YES1: variants seen among roughly 807,000 people sequenced by gnomAD.
The protein encoded by YES1 is tyrosine-protein kinase Yes.
YES1 carries 39 observed loss-of-function variants against 70.4 expected under a neutral mutation model. That is an observed-to-expected ratio of 0.55 (90% CI 0.43 to 0.72). YES1 has a LOEUF of 0.72. Among genes scored for constraint, YES1 ranks in the 30% least tolerant of loss-of-function variants. YES1 has a pLI of 0.00. For missense variants in YES1, 495 were observed against 644.8 expected (o/e 0.77, Z 2.52); for synonymous variants, 198 against 218.6 (o/e 0.91, Z 0.83).
upstream of YES1, chr18:812,355 C>T (rs1293190255): frequency 5.3e-5 from 8 of 150,188 alleles, no homozygotes; most frequent in African/African-American, 1.9e-4. Context: ...CGCCCCCTGA[C>T]TTCTAGCGGG....
At chr18:747,143 G>C (rs2080290030) in intron 4 of YES1, among the ~76,000 whole-genome samples, 1 of 152,112 alleles carries the variant, frequency 6.6e-6, no homozygotes, top group Non-Finnish European at 1.5e-5. Context: ...ATAAATCTCT[G>C]AAATATTTCA....
intron 1 of YES1, among the ~76,000 whole-genome samples, chr18:779,740 G>A (rs1174727960): frequency 1.3e-5 from 2 of 152,058 alleles, no homozygotes; most frequent in Non-Finnish European, 2.9e-5. Flanking sequence ...CTTACTTCCA[G>A]TCTTTTGTCA....
chr18:746,578 A>G (rs3911638), intron 4 of YES1, among the ~76,000 whole-genome samples: 17,911 of 152,256 alleles, frequency 0.12, 1,192 homozygotes, highest in East Asian at 0.28. Context: ...GGACAAAACA[A>G]AAAGTAAGAA....
intron 1 of YES1, among the ~76,000 whole-genome samples, chr18:757,129 C>T (rs924588061): frequency 2.0e-5 from 3 of 152,196 alleles, no homozygotes; most frequent in Non-Finnish European, 4.4e-5. Context: ...GCCAGAGAGG[C>T]CTAAATTTGA....
intron 1 of YES1, among the ~76,000 whole-genome samples, chr18:771,382 T>A (rs1242628194): frequency 2.0e-5 from 3 of 151,316 alleles, no homozygotes; most frequent in Non-Finnish European, 4.4e-5. Flanking sequence ...AAAAAAAAAA[T>A]TCATTTGAGT....
chr18:757,285 C>CCT (rs1190032607), intron 1 of YES1, among the ~76,000 whole-genome samples: 8 of 151,732 alleles, frequency 5.3e-5, no homozygotes, highest in Admixed American at 1.3e-4. Context: ...GGGCGGATCA[C>CCT]GAGGTCAGGA....
Position 745,699 on chromosome 18 carries a change from T to C in YES1, c.724+9A>G, listed in dbSNP as rs1404580313. 2.5e-6 allele frequency: 4 copies of C among 1,586,436 alleles called. No homozygotes were observed. The highest frequency in any genetic ancestry group is 2.3e-5 in the South Asian group (2 of 85,762). ...AGAAATAATTTTTACCTTTGAAATA[T>C]TCACATACCTGTGTAGTGTTTCACC... On this transcript the variant is annotated intron_variant, in intron 6 of 11. Coordinates refer to ENST00000314574, the MANE Select transcript of YES1 (RefSeq NM_005433.4).
chr18:799,993 T>C (rs1311124482), intron 1 of YES1, among the ~76,000 whole-genome samples: 4 of 152,150 alleles, frequency 2.6e-5, no homozygotes, highest in African/African-American at 9.7e-5. Context: ...TGTAAGTGGG[T>C]GAATATGCTT....
At chr18:737,307 G>A (rs2080165299) in intron 9 of YES1, 1 of 166,034 alleles carries the variant, frequency 6.0e-6, no homozygotes, top group African/African-American at 2.4e-5. Context: ...ACAAACATTA[G>A]CTGGGTGTGG....
chr18:747,510 G>C (rs938092745), intron 4 of YES1, among the ~76,000 whole-genome samples: 1 of 152,060 alleles, frequency 6.6e-6, no homozygotes, highest in Non-Finnish European at 1.5e-5. Flanking sequence ...ATAAATATGG[G>C]ATGCATATAT....
chr18:749,741 T>A (rs1035597644), intron 3 of YES1, among the ~76,000 whole-genome samples: 2 of 151,062 alleles, frequency 1.3e-5, no homozygotes, highest in Admixed American at 6.6e-5. Flanking sequence ...GCGCCTGTAG[T>A]CCCAGCTACT....
At chr18:811,846 C>T (rs1907401337) in intron 1 of YES1, among the ~76,000 whole-genome samples, 1 of 152,102 alleles carries the variant, frequency 6.6e-6, no homozygotes, top group Admixed American at 6.5e-5. Context: ...TCCCCACGCC[C>T]CTGGAACCTC....
chr18:762,586 C>T (rs1904649119), intron 1 of YES1, among the ~76,000 whole-genome samples: 1 of 152,032 alleles, frequency 6.6e-6, no homozygotes, highest in South Asian at 2.1e-4. Context: ...CTTCCAAGTT[C>T]CAAGCTACTG....
intron 1 of YES1, among the ~76,000 whole-genome samples, chr18:768,704 T>C (rs1030163998): frequency 6.6e-6 from 1 of 152,104 alleles, no homozygotes; most frequent in African/African-American, 2.4e-5. Flanking sequence ...TATTTATTTA[T>C]TTATTTATTT....
At chr18:740,586 GA>G (rs1380456481) in intron 8 of YES1, among the ~76,000 whole-genome samples, 1 of 152,192 alleles carries the variant, frequency 6.6e-6, no homozygotes, top group African/African-American at 2.4e-5. Flanking sequence ...AAAAAATCAT[GA>G]AAACAAAGAG....
At position 757,319 on chromosome 18, in the gene YES1, C is replaced by G. The variant is rs369941496; in HGVS notation, c.-8-484G>C. Among the ~76,000 whole-genome samples, 24 of 151,638 alleles carry G rather than the reference C, an allele frequency of 1.6e-4. No individual in the cohort carries two copies. The South Asian group carries it at 2.1e-3, about 13-fold the overall frequency. On this transcript the variant is annotated intron_variant, in intron 1 of 11. Transcript: ENST00000314574. ...GAGATTGAGACCATCCTGGCTAACA[C>G]GGTGAAACCCCGCCTCTACTAAAAA...
chr18:773,660 A>G (rs1478972325), intron 1 of YES1, among the ~76,000 whole-genome samples: 1 of 151,866 alleles, frequency 6.6e-6, no homozygotes, highest in Admixed American at 6.6e-5. Context: ...CCATTGTATA[A>G]TAACTTTCCT....
chr18:774,674 T>A (rs1212368778), intron 1 of YES1, among the ~76,000 whole-genome samples: 1 of 152,152 alleles, frequency 6.6e-6, no homozygotes, highest in Non-Finnish European at 1.5e-5. Flanking sequence ...CTAGGTCACA[T>A]CACCTTTCAC....
At chr18:726,988 TG>T (rs2080028743) in intron 11 of YES1, among the ~76,000 whole-genome samples, 1 of 152,120 alleles carries the variant, frequency 6.6e-6, no homozygotes, top group African/African-American at 2.4e-5. Context: ...ACGCTACATG[TG>T]GAAAGTTCTT....
Sources: allele counts gnomAD v4.1 joint callset (sites outside exome capture counted in the v4.1 genomes callset), GRCh38; gene constraint gnomAD v4.1.1; transcripts MANE v1.5; gene names NCBI Gene and HGNC (gene_info 2026-07-23, HGNC 2026-07-21).